Variants in ARHGAP42 observed in about 807,000 individuals in gnomAD.
The protein encoded by ARHGAP42 is Rho GTPase activating protein 42, also known as rho GTPase-activating protein 42.
ARHGAP42 carries 63 observed loss-of-function variants against 125.0 expected under a neutral mutation model. The ratio of observed to expected loss-of-function variants is 0.50; its 90% confidence interval spans 0.41 to 0.62. ARHGAP42 has a LOEUF of 0.62. ARHGAP42 is among the 20% of genes least tolerant of loss of function. ARHGAP42 has a pLI of 0.00. For synonymous variants in ARHGAP42, 339 were observed against 351.0 expected (o/e 0.97, Z 0.38); for missense variants, 766 against 1,024.2 (o/e 0.75, Z 3.44).
rs1391546491 is a variant in ARHGAP42, at chr11:100,989,048, A to G, written c.*247A>G. 1 of 494,022 alleles carries G rather than the reference A, an allele frequency of 2.0e-6. No individual in the cohort carries two copies. The highest frequency in any genetic ancestry group is 3.6e-6 in the Non-Finnish European group (1 of 276,520). 30.6% of individuals were successfully genotyped at this position (494,022 alleles called of 1,614,324 possible). ...CTTGTGAAAAATGTGTTTTTGGATA[A>G]TATGTAACTCTCCACAATGTCGCTT... On this transcript the variant is annotated 3_prime_UTR_variant, in exon 24 of 24. Coordinates refer to ENST00000298815, the MANE Select transcript of ARHGAP42 (RefSeq NM_152432.4).
chr11:100,779,530 G>GTA lies in ARHGAP42; in HGVS notation c.250+9099_250+9100dup, dbSNP rs561994293. On this transcript the variant is annotated intron_variant, in intron 2 of 23. Coordinates refer to ENST00000298815, the MANE Select transcript of ARHGAP42 (RefSeq NM_152432.4). ...CACGTATATATATACGTATACATGCGTATATATACGTATATATATACATAT... is the reference window on the plus strand; with the variant it reads ...CACGTATATATATACGTATACATGCGTATATATATACGTATATATATACATAT... Among the ~76,000 whole-genome samples the GTA allele has an allele frequency of 2.8e-4, 32 of 114,810 alleles. 2 individuals carry two copies. Among genetic ancestry groups the GTA allele is most frequent in the South Asian group, 9.1e-4 (3 of 3,286 alleles). 75.3% of individuals were successfully genotyped at this position (114,810 alleles called of 152,430 possible).
chr11:100,982,632 T>C (rs534854954), intron 22 of ARHGAP42, among the ~76,000 whole-genome samples: 179 of 152,302 alleles, frequency 1.2e-3, no homozygotes, highest in Non-Finnish European at 2.2e-3. Flanking sequence ...TCAGTTATAC[T>C]CAGAGCAGAG....
At chr11:100,749,857 G>A (rs1274083595) in intron 1 of ARHGAP42, among the ~76,000 whole-genome samples, 2 of 152,144 alleles carry the variant, frequency 1.3e-5, no homozygotes, top group African/African-American at 2.4e-5. Context: ...CCACCAAGGA[G>A]GTACTTTACC....
rs557159442 is a variant in ARHGAP42, at chr11:100,706,172, T to A, written c.154+18340T>A. Among the ~76,000 whole-genome samples the A allele has an allele frequency of 1.6e-4, 25 of 152,250 alleles. 1 individual carries two copies. In the South Asian group the frequency reaches 4.8e-3, roughly 29 times the overall value. On this transcript the variant is annotated intron_variant, in intron 1 of 23. Coordinates refer to ENST00000298815, the MANE Select transcript of ARHGAP42 (RefSeq NM_152432.4). The stretch of plus-strand genomic sequence containing the variant: ...AGCTGACTTTTTAAGGACCTTTCCT[T>A]ATCTGAGATTTTGTGATTTTGTAAA...
At chr11:100,954,092 A>C (rs1475477382) in intron 12 of ARHGAP42, among the ~76,000 whole-genome samples, 1 of 152,124 alleles carries the variant, frequency 6.6e-6, no homozygotes, top group Non-Finnish European at 1.5e-5. Flanking sequence ...AGCAGTTAAC[A>C]TTTCTTCTAG....
intron 4 of ARHGAP42, among the ~76,000 whole-genome samples, chr11:100,878,298 C>A (rs915663577): frequency 6.6e-6 from 1 of 151,630 alleles, no homozygotes; most frequent in Non-Finnish European, 1.5e-5. Flanking sequence ...CCGGCCTATT[C>A]CTTCTATTTC....
intron 12 of ARHGAP42, among the ~76,000 whole-genome samples, chr11:100,955,674 G>T (rs1161992918): frequency 6.6e-6 from 1 of 151,988 alleles, no homozygotes; most frequent in African/African-American, 2.4e-5. Flanking sequence ...CCTTGCTGTT[G>T]CCCCAGAAGT....
Position 100,991,308 on chromosome 11 carries a change from C to T in ARHGAP42, c.*2507C>T, listed in dbSNP as rs905401248. 2 of 152,128 alleles carry T rather than the reference C, an allele frequency of 1.3e-5. No individual in the cohort carries two copies. The allele number at this position is 152,128 out of a possible 1,614,324, so 9.4% of individuals were successfully genotyped here. A position where few individuals can be genotyped will look rare whatever the true frequency, so the allele number is the denominator to read the frequency against. ...GAAAGTCAGGACATGTACTCTAAAT[C>T]ACACAGAATGTTAATTCCACAGGAA... is the stretch of plus-strand genomic sequence containing the variant. On this transcript the variant is annotated 3_prime_UTR_variant, in exon 24 of 24. Transcript: ENST00000298815.
chr11:100,911,923 A>T (rs1237045225), intron 4 of ARHGAP42, among the ~76,000 whole-genome samples: 1 of 152,072 alleles, frequency 6.6e-6, no homozygotes, highest in Non-Finnish European at 1.5e-5. Context: ...CCATTTATAG[A>T]TGGTAATATT....
intron 21 of ARHGAP42, 33 bp from the exon 22 acceptor site, chr11:100,978,954 T>G (rs1385186005): frequency 1.3e-6 from 2 of 1,549,560 alleles, no homozygotes; most frequent in Admixed American, 3.9e-5. Context: ...TGTGATTGAC[T>G]TCATGAAACT....
intron 23 of ARHGAP42, among the ~76,000 whole-genome samples, chr11:100,988,465 G>T (rs1035579120): frequency 5.9e-5 from 9 of 152,036 alleles, no homozygotes; most frequent in African/African-American, 2.2e-4. Flanking sequence ...ATTGTAAAAG[G>T]AATTACAAAT....
chr11:100,875,657 C>A (rs1184427529), intron 4 of ARHGAP42, among the ~76,000 whole-genome samples: 1 of 152,006 alleles, frequency 6.6e-6, no homozygotes, highest in East Asian at 1.9e-4. Flanking sequence ...GCCCAGATAC[C>A]CAGGCAGGCA....
At chr11:100,782,380 A>G (rs2135012830) in intron 2 of ARHGAP42, among the ~76,000 whole-genome samples, 1 of 152,386 alleles carries the variant, frequency 6.6e-6, no homozygotes, top group East Asian at 1.9e-4. Context: ...TAATAAAAAT[A>G]TAATTTCAAT....
At chr11:100,724,293 G>A (rs1353855863) in intron 1 of ARHGAP42, among the ~76,000 whole-genome samples, 1 of 152,026 alleles carries the variant, frequency 6.6e-6, no homozygotes, top group Non-Finnish European at 1.5e-5. Context: ...TTTTTGTCAT[G>A]TCTTTATCTG....
chr11:100,766,133 C>G (rs908761130), intron 1 of ARHGAP42, among the ~76,000 whole-genome samples: 1 of 151,862 alleles, frequency 6.6e-6, no homozygotes, highest in African/African-American at 2.4e-5. Flanking sequence ...TAATTAAAGC[C>G]CAGTGTAACT....
At chr11:100,830,910 G>C (rs1034123590) in intron 3 of ARHGAP42, among the ~76,000 whole-genome samples, 1 of 151,966 alleles carries the variant, frequency 6.6e-6, no homozygotes, top group Non-Finnish European at 1.5e-5. Flanking sequence ...CATTTTTCTT[G>C]GGATATAATT....
At chr11:100,910,045 C>A (rs1332047854) in intron 4 of ARHGAP42, among the ~76,000 whole-genome samples, 1 of 152,086 alleles carries the variant, frequency 6.6e-6, no homozygotes, top group Non-Finnish European at 1.5e-5. Flanking sequence ...TAAGTAATAA[C>A]GTGAGCACTA....
intron 1 of ARHGAP42, among the ~76,000 whole-genome samples, chr11:100,751,633 G>A (rs1188786435): frequency 6.6e-6 from 1 of 151,870 alleles, no homozygotes; most frequent in African/African-American, 2.4e-5. Context: ...AGCTGGGAAA[G>A]CCCTCACTGA....
At position 100,977,504 on chromosome 11, in the gene ARHGAP42, T is replaced by TAAAGG. The variant is rs1366548664; in HGVS notation, c.2393+534_2393+538dup. On this transcript the variant is annotated intron_variant, in intron 21 of 23. Coordinates refer to ENST00000298815, the MANE Select transcript of ARHGAP42 (RefSeq NM_152432.4). Reference sequence around the variant, plus strand: ...CATCAAAGGAAATGATGCAGAACTGTAAAGGCTGGTAGGAGAAGGGTACAT... The same window carrying TAAAGG: ...CATCAAAGGAAATGATGCAGAACTGTAAAGGAAAGGCTGGTAGGAGAAGGGTACAT... 2.0e-5 allele frequency among the ~76,000 whole-genome samples: 3 copies of TAAAGG among 152,082 alleles called. No individual in the cohort carries two copies. In the East Asian group the frequency reaches 5.8e-4, roughly 29 times the overall value.
Sources: gnomAD v4.1 joint callset for allele counts (sites outside exome capture counted in the v4.1 genomes callset) on GRCh38, gnomAD v4.1.1 for gene constraint, MANE v1.5 for transcripts, NCBI Gene and HGNC (gene_info 2026-07-23, HGNC 2026-07-21) for gene names.